The following CUL9 variants were observed in gnomAD, a reference collection of about 807,000 sequenced individuals.
CUL9 encodes the protein cullin-9.
In CUL9, 79 loss-of-function variants were observed where a neutral mutation model predicts 272.6. That is an observed-to-expected ratio of 0.29 (90% CI 0.24 to 0.35). CUL9 has a LOEUF of 0.35. Ranked by LOEUF, CUL9 falls within the 10% of genes least tolerant of loss-of-function variation. The pLI is 1.00. For synonymous variants in CUL9, 1,186 were observed against 1,286.5 expected (o/e 0.92, Z 1.67); for missense variants, 2,532 against 3,255.6 (o/e 0.78, Z 5.41).
intron 24 of CUL9, 106 bp from the exon 25 acceptor site, chr6:43,205,901 G>A (rs1460733379): frequency 2.3e-6 from 2 of 873,692 alleles, no homozygotes; most frequent in African/African-American, 1.7e-5. Context: ...GGTGAGGTAG[G>A]GTATGTGACT....
Position 43,220,826 on chromosome 6 carries a change from G to A in CUL9, c.6503G>A (p.Arg2168His), listed in dbSNP as rs745513426. 1.9e-5 allele frequency: 31 copies of A among 1,613,382 alleles called. 1 individual carries two copies. The Admixed American group carries it at 2.3e-4, about 12-fold the overall frequency. Residue 2168 changes from arginine to histidine, a missense_variant, in exon 33 of 41, where the codon CGC becomes CAC. Arg to His is a conservative substitution (Grantham distance 29). Coordinates refer to ENST00000252050, the MANE Select transcript of CUL9 (RefSeq NM_015089.4). This position sits in a 1 kb window ranked among gnomAD's most constrained non-coding sequence, Gnocchi z 4.9. ...TGCACCAACCCCCAGGGCTGCGACC[G>A]CATCCTGTGCCGCCAGGGCCTGGGC... ...TWCTNPQGCD[R>H]ILCRQGLGCG...
At position 43,215,075 on chromosome 6, in the gene CUL9, C is replaced by T. The variant is rs758494023; in HGVS notation, c.5689-4C>T. The T allele has an allele frequency of 1.9e-6, 3 of 1,597,124 alleles. No homozygotes were observed. ...GGACTTCTTGTTTCTTTCCTCCTAT[C>T]CAGGTGCTGGAGGCCTGGCAGAAGG... On this transcript the variant is annotated splice_region_variant and splice_polypyrimidine_tract_variant and intron_variant, in intron 29 of 40. Coordinates refer to ENST00000252050, the MANE Select transcript of CUL9 (RefSeq NM_015089.4).
intron 6 of CUL9, 50 bp downstream of exon 6, chr6:43,187,489 G>A (rs2150523219): frequency 2.5e-6 from 4 of 1,572,642 alleles, no homozygotes; most frequent in Middle Eastern, 1.7e-4. Context: ...GTTAGAGGTG[G>A]GATTCTCTAG....
rs537623008 is a variant in CUL9 at position 43,186,205 on chromosome 6, C to T, written c.1001C>T (p.Thr334Ile). 2 of 1,614,244 alleles carry T rather than the reference C, an allele frequency of 1.2e-6. No homozygotes were observed. The highest frequency in any genetic ancestry group is 2.2e-5 in the South Asian group (2 of 91,088). ...SEQGMSPPRP[T>I]RSIFQPYISG... ...CAGGGCATGTCACCTCCCCGGCCAA[C>T]CCGGTCCATCTTTCAGCCCTACATT... Residue 334 changes from threonine to isoleucine, a missense_variant, in exon 4 of 41, where the codon ACC becomes ATC. By Grantham distance (89) the Thr-to-Ile change is moderately conservative. Around this residue, in one of 3 missense-constraint regions of CUL9, gnomAD observed 2,218 missense variants for 2,788.6 expected, o/e 0.80. Coordinates refer to ENST00000252050, the MANE Select transcript of CUL9 (RefSeq NM_015089.4).
intron 26 of CUL9, among the ~76,000 whole-genome samples, chr6:43,212,263 C>G (rs564347431): frequency 1.3e-5 from 2 of 152,348 alleles, no homozygotes; most frequent in South Asian, 4.1e-4. Flanking sequence ...TGAGATGGAT[C>G]AATGGATTTC....
At chr6:43,185,398 A>G (rs996183885) in intron 2 of CUL9, 58 bp from the exon 3 acceptor site, 88 of 1,568,054 alleles carry the variant, frequency 5.6e-5, no homozygotes, top group Admixed American at 3.8e-4. Flanking sequence ...AATCTAGGAA[A>G]GGCAGGGAGA....
chr6:43,202,882 G>A, intron 17 of CUL9, 61 bp downstream of exon 17: 2 of 1,495,510 alleles, frequency 1.3e-6, no homozygotes, highest in Non-Finnish European at 1.9e-6. Flanking sequence ...CCCAGTGCCT[G>A]TGGGAAGGAC....
At position 43,223,622 on chromosome 6, in the gene CUL9, G is replaced by C; in HGVS notation, c.7284+225G>C. Reference sequence around the variant, plus strand: ...GGATTCCTACAAAATAAAGGGGTTGGCTAGCCCACATCAAGGGTATTTGGT... The same window carrying C: ...GGATTCCTACAAAATAAAGGGGTTGCCTAGCCCACATCAAGGGTATTTGGT... On this transcript the variant is annotated intron_variant, in intron 39 of 40. Coordinates refer to ENST00000252050, the MANE Select transcript of CUL9 (RefSeq NM_015089.4). This position sits in a 1 kb window ranked among gnomAD's most constrained non-coding sequence, Gnocchi z 4.1. 1 of 600,276 alleles carries C rather than the reference G, an allele frequency of 1.7e-6. No homozygotes were observed. Among genetic ancestry groups the C allele is most frequent in the South Asian group, 2.3e-5 (1 of 43,744 alleles). The allele number at this position is 600,276 out of a possible 1,614,324, so 37.2% of individuals were successfully genotyped here.
intron 2 of CUL9, among the ~76,000 whole-genome samples, chr6:43,185,213 A>AT (rs140698250): frequency 0.022 from 3,356 of 152,294 alleles, 114 homozygotes; most frequent in African/African-American, 0.077. Context: ...TACAACCAAC[A>AT]TTTTTTTAAA....
chr6:43,222,487 G>A, intron 36 of CUL9, 44 bp from the exon 37 acceptor site: 1 of 1,609,562 alleles, frequency 6.2e-7, no homozygotes, highest in Non-Finnish European at 8.5e-7. Context: ...GGCAGGTGGT[G>A]CTGCGCCACC....
intron 29 of CUL9, among the ~76,000 whole-genome samples, chr6:43,214,629 C>A (rs1391275298): frequency 6.6e-6 from 1 of 151,892 alleles, no homozygotes; most frequent in East Asian, 1.9e-4. Flanking sequence ...GATGAAACCC[C>A]ATCTCTACTA....
Position 43,187,226 on chromosome 6 carries a change from C to T in CUL9, c.1388-20C>T, listed in dbSNP as rs369921760. 1.7e-5 allele frequency: 27 copies of T among 1,611,944 alleles called. No individual in the cohort carries two copies. Among genetic ancestry groups the T allele is most frequent in the Non-Finnish European group, 1.5e-5 (18 of 1,178,618 alleles). ...CCCATTCCTGAGGGGTGCTGATGCCCGCCATGCCTGTGTCCTCAGCATTTC... is the reference window on the plus strand; with the variant it reads ...CCCATTCCTGAGGGGTGCTGATGCCTGCCATGCCTGTGTCCTCAGCATTTC... On this transcript the variant is annotated intron_variant, in intron 5 of 40. Coordinates refer to ENST00000252050, the MANE Select transcript of CUL9 (RefSeq NM_015089.4).
rs1037439764 is a variant in CUL9, at chr6:43,199,744, C to T, written c.3157-185C>T. On this transcript the variant is annotated intron_variant, in intron 13 of 40. Coordinates refer to ENST00000252050, the MANE Select transcript of CUL9 (RefSeq NM_015089.4). The surrounding 1 kb of genome is among the most constrained non-coding windows in gnomAD (Gnocchi z 4.4). ...CTGTGCCCAAGCTCTGTTCTGCCAA[C>T]TCACTCTGGAGTCCCAGCACTCCTC... 3.9e-5 allele frequency among the ~76,000 whole-genome samples: 6 copies of T among 152,214 alleles called. No individual in the cohort carries two copies. The highest frequency in any genetic ancestry group is 1.4e-4 in the African/African-American group (6 of 41,464).
At position 43,200,068 on chromosome 6, in the gene CUL9, G is replaced by A. The variant is rs758578766; in HGVS notation, c.3296G>A (p.Cys1099Tyr). 1 of 1,614,130 alleles carries A rather than the reference G, an allele frequency of 6.2e-7. No homozygotes were observed. Among genetic ancestry groups the A allele is most frequent in the Non-Finnish European group, 8.5e-7 (1 of 1,180,050 alleles). ...DKHSAQLLLG[C>Y]ELRDLVTECE... Reference sequence around the variant, plus strand: ...CACTCAGCTCAGCTGCTGCTGGGCTGTGAGCTTCGGGACCTGGTGACAGAG... The same window carrying A: ...CACTCAGCTCAGCTGCTGCTGGGCTATGAGCTTCGGGACCTGGTGACAGAG... The change falls in exon 14 of 41, where the codon TGT (cysteine) becomes TAT (tyrosine). Residue 1099 changes from cysteine (C) to tyrosine (Y), a missense_variant. By Grantham distance (194) the Cys-to-Tyr change is radical (BLOSUM62 -2). Coordinates refer to ENST00000252050, the MANE Select transcript of CUL9 (RefSeq NM_015089.4). This position sits in a 1 kb window ranked among gnomAD's most constrained non-coding sequence, Gnocchi z 4.0.
chr6:43,224,438 A>G lies in CUL9; in HGVS notation c.7547A>G (p.Tyr2516Cys), dbSNP rs1776637728. Residue 2516 changes from tyrosine (Y) to cysteine (C), a missense_variant, in exon 41 of 41, where the codon TAT becomes TGT. Tyr to Cys is a radical substitution (Grantham distance 194). This residue lies in a region of CUL9 where 237 missense variants were observed against 305.9 expected (regional missense o/e 0.77). Transcript: ENST00000252050. The surrounding 1 kb of genome is among the most constrained non-coding windows in gnomAD (Gnocchi z 4.2). ...GAGGAAGAGGATGAAGATGAGGCCT[A>G]TGACTGAGGGGGCAGATGCAGGAAA... The part of the protein sequence containing the change: ...GDEEEDEDEA[Y>C]D 6 of 1,613,318 alleles carry G rather than the reference A, an allele frequency of 3.7e-6. No homozygotes were observed. Among genetic ancestry groups the G allele is most frequent in the Non-Finnish European group, 5.1e-6 (6 of 1,179,692 alleles).
At chr6:43,212,879 G>T in intron 26 of CUL9, 1 of 397,348 alleles carries the variant, frequency 2.5e-6, no homozygotes, top group Non-Finnish European at 4.5e-6. Flanking sequence ...AAATGCAAGT[G>T]TTTTCTCTCT....
chr6:43,216,164 A>G lies in CUL9; in HGVS notation c.5943A>G (p.Glu1981=), dbSNP rs1161000998. ...SQSETSKPSP[E]AVATLASLQL... ...TCTCTTCCCTCCCCACAAGCCCAGA[A>G]GCTGTGGCTACCCTGGCATCTCTAC... Residue 1981 remains glutamate, a synonymous_variant, in exon 31 of 41, where the codon GAA becomes GAG. Transcript: ENST00000252050. The G allele has an allele frequency of 1.2e-6, 2 of 1,601,880 alleles. No homozygotes were observed. The highest frequency in any genetic ancestry group is 1.7e-6 in the Non-Finnish European group (2 of 1,169,868).
At chr6:43,215,950 G>C (rs753694976) in intron 30 of CUL9, among the ~76,000 whole-genome samples, 14 of 152,216 alleles carry the variant, frequency 9.2e-5, no homozygotes, top group Non-Finnish European at 1.8e-4. Context: ...TTTGTCCCCA[G>C]TCATTGCAAC....
chr6:43,222,141 A>T, intron 35 of CUL9, 175 bp from the exon 36 acceptor site: 2 of 642,516 alleles, frequency 3.1e-6, no homozygotes, highest in Non-Finnish European at 5.6e-6. Flanking sequence ...TCCAAGCCTC[A>T]ACAGCCTCTG....
Sources: allele counts gnomAD v4.1 joint callset (sites outside exome capture counted in the v4.1 genomes callset), GRCh38; gene constraint gnomAD v4.1.1; regional missense constraint gnomAD v4.1.1; non-coding constraint Gnocchi (gnomAD v3.1); transcripts MANE v1.5; gene names NCBI Gene and HGNC (gene_info 2026-07-23, HGNC 2026-07-21).